Variants in CDC42BPA observed in about 807,000 individuals in gnomAD.
CDC42BPA encodes CDC42 binding protein kinase alpha, also known as serine/threonine-protein kinase MRCK alpha.
In CDC42BPA, 80 loss-of-function variants were observed where a neutral mutation model predicts 223.5. That is an observed-to-expected ratio of 0.36 (90% CI 0.30 to 0.43). The LOEUF (loss-of-function observed/expected upper bound fraction) is 0.43. CDC42BPA is among the 20% of genes least tolerant of loss of function. The pLI, the probability that CDC42BPA is intolerant of heterozygous loss-of-function variation, is 1.00. For synonymous variants in CDC42BPA, 694 were observed against 718.6 expected (o/e 0.97, Z 0.55); for missense variants, 1,743 against 2,099.9 (o/e 0.83, Z 3.32).
At chr1:227,176,973 C>CT (rs202041864) in intron 5 of CDC42BPA, among the ~76,000 whole-genome samples, 29 of 147,068 alleles carry the variant, frequency 2.0e-4, no homozygotes, top group Admixed American at 4.1e-4. Flanking sequence ...ATGCCCCCTA[C>CT]TTTTTTTTTT....
In CDC42BPA at chr1:227,199,639, C is replaced by G; in HGVS notation, c.368G>C (p.Arg123Pro). The change falls in exon 4 of 37, where the codon CGT (arginine) becomes CCT (proline). Residue 123 changes from arginine (R) to proline (P), a missense_variant. Arg to Pro is a moderately radical substitution (Grantham distance 103). This residue lies in a region of CDC42BPA where 321 missense variants were observed against 488.7 expected (regional missense o/e 0.66). Coordinates refer to ENST00000366766, the MANE Select transcript of CDC42BPA (RefSeq NM_001394014.1). The part of the protein sequence containing the change: ...MLKRAETACF[R>P]EERDVLVNGD... The stretch of plus-strand genomic sequence containing the variant: ...ATTCACTAATACATCCCTTTCTTCA[C>G]GAAAACATGCTGTCTGAAACACAAA... 6.3e-7 allele frequency: 1 copy of G among 1,599,964 alleles called. No homozygotes were observed. The highest frequency in any genetic ancestry group is 8.5e-7 in the Non-Finnish European group (1 of 1,169,632).
At chr1:227,195,852 T>C (rs1377097189) in intron 4 of CDC42BPA, among the ~76,000 whole-genome samples, 2 of 152,170 alleles carry the variant, frequency 1.3e-5, no homozygotes, top group Non-Finnish European at 1.5e-5. Context: ...GTAATATTCA[T>C]AATAGGTCAA....
chr1:227,178,684 G>A (rs1015711423), intron 5 of CDC42BPA, among the ~76,000 whole-genome samples: 4 of 152,092 alleles, frequency 2.6e-5, no homozygotes, highest in Non-Finnish European at 5.9e-5. Flanking sequence ...TAGTAGAGAC[G>A]GGGTTTCTCC....
chr1:226,994,311 C>A lies in CDC42BPA; in HGVS notation c.5222G>T (p.Ser1741Ile), dbSNP rs146538430. ...GCGGTCAGTGCTCTCCAGGGAGAGG[C>A]TCTTGGTTTTTCGGGGTGAAGCTGG... ...PSPASPRKTK[S>I]LSLESTDRGS... The change falls in exon 37 of 37, where the codon AGC becomes ATC. Residue 1741 changes from serine (S) to isoleucine (I), a missense_variant. Ser to Ile is a moderately radical substitution (Grantham distance 142). This residue lies in a region of CDC42BPA where 200 missense variants were observed against 192.8 expected (regional missense o/e 1.04). Transcript: ENST00000366766. The surrounding 1 kb of genome is among the most constrained non-coding windows in gnomAD (Gnocchi z 4.0). 4.4e-5 allele frequency: 71 copies of A among 1,597,736 alleles called. No individual in the cohort carries two copies. Among genetic ancestry groups the A allele is most frequent in the African/African-American group, 9.4e-5 (7 of 74,626 alleles).
rs79902133 is a variant in CDC42BPA at position 227,053,517 on chromosome 1, A to G, written c.2905-1532T>C. Among the ~76,000 whole-genome samples the G allele has an allele frequency of 3.3e-5, 5 of 152,186 alleles. No individual in the cohort carries two copies. The South Asian group carries it at 6.2e-4, about 19-fold the overall frequency. The stretch of plus-strand genomic sequence containing the variant: ...CACTGAACTAAAGCTTACCAGCTGA[A>G]TATCAGCTCTGTACATGTGATGTGG... On this transcript the variant is annotated intron_variant, in intron 21 of 36. Transcript: ENST00000366766.
chr1:227,207,321 T>C (rs1296201518), intron 3 of CDC42BPA, among the ~76,000 whole-genome samples: 1 of 141,064 alleles, frequency 7.1e-6, no homozygotes, highest in African/African-American at 2.6e-5. Context: ...ATTTTTTTTT[T>C]CTTTTTTTAC....
chr1:227,265,270 C>A, intron 1 of CDC42BPA: 1 of 520,420 alleles, frequency 1.9e-6, no homozygotes, highest in Non-Finnish European at 3.5e-6. Flanking sequence ...GCTGTGAGAC[C>A]TTGAGAAGTT....
At chr1:227,075,719 TTA>T (rs1679331003) in intron 17 of CDC42BPA, among the ~76,000 whole-genome samples, 1 of 152,214 alleles carries the variant, frequency 6.6e-6, no homozygotes, top group Non-Finnish European at 1.5e-5. Context: ...TGAAGGAAGA[TTA>T]TCTTTTTTAG....
At chr1:227,093,153 C>G (rs748750092) in intron 15 of CDC42BPA, among the ~76,000 whole-genome samples, 5 of 152,176 alleles carry the variant, frequency 3.3e-5, no homozygotes, top group Non-Finnish European at 5.9e-5. Flanking sequence ...CCCTATCTCT[C>G]ACAACAGTTT....
At chr1:227,121,091 A>T (rs1052178957) in intron 11 of CDC42BPA, among the ~76,000 whole-genome samples, 2 of 152,194 alleles carry the variant, frequency 1.3e-5, no homozygotes, top group Non-Finnish European at 2.9e-5. Context: ...TGTGCGGCCC[A>T]GTCTGCTGGT....
At chr1:227,189,461 T>C (rs1049818003) in intron 5 of CDC42BPA, among the ~76,000 whole-genome samples, 2 of 152,170 alleles carry the variant, frequency 1.3e-5, no homozygotes, top group African/African-American at 2.4e-5. Context: ...CAATGGCATA[T>C]TGTCTATACT....
intron 17 of CDC42BPA, 30 bp from the exon 18 acceptor site, chr1:227,074,394 T>G (rs761060539): frequency 6.5e-7 from 1 of 1,532,408 alleles, no homozygotes; most frequent in Non-Finnish European, 8.9e-7. Context: ...AGTACAAAAG[T>G]AAAACAAAAA....
chr1:227,022,033 A>T (rs56067904), intron 32 of CDC42BPA, among the ~76,000 whole-genome samples: 60,868 of 151,734 alleles, frequency 0.4, 12,654 homozygotes, highest in Non-Finnish European at 0.46. Flanking sequence ...GCAAAAAAAA[A>T]ATAAAATAAA....
intron 10 of CDC42BPA, among the ~76,000 whole-genome samples, chr1:227,132,115 ACCCTCT>A (rs11278964): frequency 0.31 from 46,705 of 150,906 alleles, 7,341 homozygotes; most frequent in African/African-American, 0.34. Flanking sequence ...AAGAAATTCA[ACCCTCT>A]CCCTCTCCCT....
intron 23 of CDC42BPA, among the ~76,000 whole-genome samples, chr1:227,046,033 T>C (rs1672375013): frequency 6.6e-6 from 1 of 152,100 alleles, no homozygotes; most frequent in African/African-American, 2.4e-5. Flanking sequence ...CTCGAACTCC[T>C]GGGCTCAAGC....
chr1:227,195,628 G>A (rs546543436), intron 4 of CDC42BPA, among the ~76,000 whole-genome samples: 4 of 152,000 alleles, frequency 2.6e-5, no homozygotes, highest in Admixed American at 6.6e-5. Flanking sequence ...ATGTCCCTTC[G>A]TCATATTTTA....
chr1:227,207,602 A>G (rs1473556453), intron 3 of CDC42BPA, among the ~76,000 whole-genome samples: 14 of 146,884 alleles, frequency 9.5e-5, no homozygotes, highest in African/African-American at 3.5e-4. Context: ...ACCAATGAGT[A>G]AGAATATGCG....
chr1:227,203,748 A>G (rs1245647064), intron 3 of CDC42BPA, among the ~76,000 whole-genome samples: 1 of 152,216 alleles, frequency 6.6e-6, no homozygotes, highest in Non-Finnish European at 1.5e-5. Flanking sequence ...ACTGTTATAC[A>G]GTTTTCCTTT....
intron 24 of CDC42BPA, among the ~76,000 whole-genome samples, chr1:227,035,868 G>A (rs910902048): frequency 1.3e-5 from 2 of 152,124 alleles, no homozygotes; most frequent in African/African-American, 4.8e-5. Flanking sequence ...AGCAACAGAC[G>A]AAGCATCTAA....
Sources: allele counts gnomAD v4.1 joint callset (sites outside exome capture counted in the v4.1 genomes callset), GRCh38; gene constraint gnomAD v4.1.1; regional missense constraint gnomAD v4.1.1; non-coding constraint Gnocchi (gnomAD v3.1); transcripts MANE v1.5; gene names NCBI Gene and HGNC (gene_info 2026-07-23, HGNC 2026-07-21).